The following TNFRSF19 variants were observed in gnomAD, a reference collection of about 807,000 sequenced individuals.
TNFRSF19 encodes the protein tumor necrosis factor receptor superfamily member 19.
In TNFRSF19, 27 loss-of-function variants were observed where a neutral mutation model predicts 46.4. The ratio of observed to expected loss-of-function variants is 0.58; its 90% CI spans 0.43 to 0.80. The LOEUF is 0.80. Among genes scored for constraint, TNFRSF19 ranks in the 30% least tolerant of loss-of-function variants. The pLI is 0.00. For synonymous variants in TNFRSF19, 204 were observed against 205.0 expected, an observed-to-expected ratio of 1.00 and a Z score of 0.04; for missense variants, 511 against 530.8, an observed-to-expected ratio of 0.96 and a Z score of 0.37.
chr13:23,663,792 T>C (rs1250338929), intron 7 of TNFRSF19, among the ~76,000 whole-genome samples: 1 of 152,184 alleles, frequency 6.6e-6, no homozygotes, highest in East Asian at 1.9e-4. Context: ...CTAGTTCATG[T>C]GTATAGAGAT....
chr13:23,664,903 TA>T (rs1316927216), intron 7 of TNFRSF19, among the ~76,000 whole-genome samples: 1 of 152,198 alleles, frequency 6.6e-6, no homozygotes, highest in Non-Finnish European at 1.5e-5. Context: ...AAAGGTACAG[TA>T]AAAATACGGT....
intron 4 of TNFRSF19, among the ~76,000 whole-genome samples, chr13:23,618,116 G>A (rs375878262): frequency 5.9e-5 from 9 of 152,078 alleles, no homozygotes; most frequent in East Asian, 1.9e-4. Flanking sequence ...AATACAAGCA[G>A]CAAAAGAAAA....
chr13:23,592,228 A>G (rs555901015), intron 2 of TNFRSF19, among the ~76,000 whole-genome samples: 59 of 152,308 alleles, frequency 3.9e-4, no homozygotes, highest in African/African-American at 1.4e-3. Context: ...ACAGAACAGC[A>G]GTGTCTGTTA....
chr13:23,580,824 T>A (rs921212623), intron 1 of TNFRSF19, among the ~76,000 whole-genome samples: 1 of 152,380 alleles, frequency 6.6e-6, no homozygotes, highest in South Asian at 2.1e-4. Flanking sequence ...TTGGCATCAA[T>A]GCATGAAGCA....
chr13:23,606,870 T>C (rs1880546885), intron 3 of TNFRSF19, among the ~76,000 whole-genome samples: 1 of 152,222 alleles, frequency 6.6e-6, no homozygotes, highest in Non-Finnish European at 1.5e-5. Context: ...TGTTAGATGT[T>C]TTTAAATTGT....
chr13:23,614,746 C>CATAT (rs59117822), intron 3 of TNFRSF19, among the ~76,000 whole-genome samples: 2,662 of 134,860 alleles, frequency 0.02, 112 homozygotes, highest in African/African-American at 0.068. Flanking sequence ...ATAAGTAATA[C>CATAT]ATATATATAT....
rs1593241490 is a variant in TNFRSF19, at chr13:23,595,860, G to T, written c.180+2405G>T. 2.0e-5 allele frequency among the ~76,000 whole-genome samples: 3 copies of T among 152,326 alleles called. No individual in the cohort carries two copies. In the East Asian group the frequency reaches 5.8e-4, roughly 29 times the overall value. On this transcript the variant is annotated intron_variant, in intron 3 of 9. Coordinates refer to ENST00000248484, the MANE Select transcript of TNFRSF19 (RefSeq NM_148957.4). Reference sequence around the variant, plus strand: ...AAAAAATGTTAAGGGCAGCCAGAGAGAAAGGTCAGGTTACCCACAAAGGGA... The same window carrying T: ...AAAAAATGTTAAGGGCAGCCAGAGATAAAGGTCAGGTTACCCACAAAGGGA...
chr13:23,603,464 C>G (rs1880305447), intron 3 of TNFRSF19, among the ~76,000 whole-genome samples: 1 of 152,030 alleles, frequency 6.6e-6, no homozygotes, highest in Non-Finnish European at 1.5e-5. Context: ...TACTTTCTAA[C>G]TCATTCTGTG....
At chr13:23,601,057 C>A (rs1880120850) in intron 3 of TNFRSF19, among the ~76,000 whole-genome samples, 1 of 152,094 alleles carries the variant, frequency 6.6e-6, no homozygotes, top group African/African-American at 2.4e-5. Context: ...ATATGCTAAT[C>A]AGGGAAAGGA....
intron 5 of TNFRSF19, among the ~76,000 whole-genome samples, chr13:23,634,743 G>C (rs1187147303): frequency 2.0e-5 from 3 of 152,124 alleles, no homozygotes; most frequent in Admixed American, 2.0e-4. Context: ...TTTTGTATAG[G>C]GAGCATTCAC....
intron 1 of TNFRSF19, among the ~76,000 whole-genome samples, chr13:23,573,913 T>C (rs1877786309): frequency 6.6e-6 from 1 of 151,840 alleles, no homozygotes; most frequent in African/African-American, 2.4e-5. Context: ...ATACAAAAAA[T>C]TAGCCGGACA....
chr13:23,618,522 G>A (rs557517441), intron 4 of TNFRSF19, among the ~76,000 whole-genome samples: 4 of 152,180 alleles, frequency 2.6e-5, no homozygotes, highest in Non-Finnish European at 5.9e-5. Context: ...TGGAATGTTG[G>A]TGATGACGTG....
At chr13:23,578,627 C>T (rs2138139331) in intron 1 of TNFRSF19, among the ~76,000 whole-genome samples, 1 of 152,330 alleles carries the variant, frequency 6.6e-6, no homozygotes, top group Non-Finnish European at 1.5e-5. Context: ...GCCTTGGTAC[C>T]AAAGTCATGC....
intron 4 of TNFRSF19, among the ~76,000 whole-genome samples, chr13:23,616,443 T>C (rs1043755894): frequency 2.5e-4 from 38 of 152,174 alleles, no homozygotes; most frequent in African/African-American, 8.9e-4. Flanking sequence ...GGTTACACCA[T>C]TCAGCCATTC....
intron 3 of TNFRSF19, among the ~76,000 whole-genome samples, chr13:23,608,813 A>T (rs750511933): frequency 1.4e-4 from 21 of 152,194 alleles, no homozygotes; most frequent in Non-Finnish European, 1.3e-4. Context: ...AGCCTGTAAA[A>T]CAAGGAGATA....
intron 5 of TNFRSF19, among the ~76,000 whole-genome samples, chr13:23,657,155 G>C (rs1445410001): frequency 6.6e-6 from 1 of 152,186 alleles, no homozygotes; most frequent in African/African-American, 2.4e-5. Context: ...TATGGTGTGT[G>C]TGCCTTCCCA....
At chr13:23,586,831 A>G (rs565475377) in intron 1 of TNFRSF19, among the ~76,000 whole-genome samples, 4 of 152,270 alleles carry the variant, frequency 2.6e-5, no homozygotes, top group Admixed American at 1.3e-4. Context: ...TGATACTGCC[A>G]AGCTGCGTAT....
At chr13:23,607,219 AG>A (rs1880569310) in intron 3 of TNFRSF19, among the ~76,000 whole-genome samples, 1 of 152,178 alleles carries the variant, frequency 6.6e-6, no homozygotes. Flanking sequence ...GGATTGCCTG[AG>A]GTCAGGAGTT....
At position 23,640,348 on chromosome 13, in the gene TNFRSF19, A is replaced by G. The variant is rs138915121; in HGVS notation, c.445+13556A>G. Among the ~76,000 whole-genome samples the G allele has an allele frequency of 3.3e-5, 5 of 152,304 alleles. No homozygotes were observed. The East Asian group carries it at 9.6e-4, about 29-fold the overall frequency. The stretch of plus-strand genomic sequence containing the variant: ...AATGTAGCTAGCTGTGTTGATGAGA[A>G]TCATTAGAAACTGCCAGATTTCTGT... On this transcript the variant is annotated intron_variant, in intron 5 of 9. Transcript: ENST00000248484.
Sources: allele counts gnomAD v4.1 joint callset (sites outside exome capture counted in the v4.1 genomes callset), GRCh38; gene constraint gnomAD v4.1.1; transcripts MANE v1.5; gene names NCBI Gene and HGNC (gene_info 2026-07-23, HGNC 2026-07-21).